Variants in TGFBI observed in about 807,000 individuals in gnomAD.
TGFBI encodes the protein transforming growth factor-beta-induced protein ig-h3.
A neutral mutation model predicts 73.7 loss-of-function variants in TGFBI; 50 were observed. The observed-to-expected ratio is 0.68, with a 90% CI of 0.54 to 0.86. The LOEUF (loss-of-function observed/expected upper bound fraction) is 0.86. Ranked by LOEUF, TGFBI falls within the 40% of genes least tolerant of loss-of-function variation. TGFBI has a pLI of 0.00. For synonymous variants in TGFBI, 362 were observed against 360.5 expected (o/e 1.00, Z -0.05); for missense variants, 839 against 877.0 (o/e 0.96, Z 0.55).
Position 136,052,946 on chromosome 5 carries a change from C to T in TGFBI, c.953C>T (p.Ala318Val). Residue 318 changes from alanine (A) to valine (V), a missense_variant, in exon 8 of 17, where the codon GCT (alanine) becomes GTT (valine). By Grantham distance (64) the Ala-to-Val change is moderately conservative (BLOSUM62 0). Coordinates refer to ENST00000442011, the MANE Select transcript of TGFBI (RefSeq NM_000358.3). ...NNHILKSAMCAEAIVAGLSVE... is the reference protein window; with the variant it reads ...NNHILKSAMCVEAIVAGLSVE... Reference sequence around the variant, plus strand: ...CACATCTTGAAGTCAGCTATGTGTGCTGAAGCCATCGTTGCGGGGCTGTCT... The same window carrying T: ...CACATCTTGAAGTCAGCTATGTGTGTTGAAGCCATCGTTGCGGGGCTGTCT... 1 of 1,614,068 alleles carries T rather than the reference C, an allele frequency of 6.2e-7. No individual in the cohort carries two copies. The highest frequency in any genetic ancestry group is 8.5e-7 in the Non-Finnish European group (1 of 1,179,900).
chr5:136,054,814 C>A lies in TGFBI; in HGVS notation c.1363C>A (p.Leu455Met). 1 of 1,613,942 alleles carries A rather than the reference C, an allele frequency of 6.2e-7. No homozygotes were observed. Among genetic ancestry groups the A allele is most frequent in the African/African-American group, 1.3e-5 (1 of 75,024 alleles). Reference sequence around the variant, plus strand: ...TAAGTATCTGTACCATGGACAGACCCTGGAAACTCTGGGCGGCAAAAAACT... The same window carrying A: ...TAAGTATCTGTACCATGGACAGACCATGGAAACTCTGGGCGGCAAAAAACT... ...ASKYLYHGQT[L>M]ETLGGKKLRV... The change falls in exon 10 of 17, where the codon CTG becomes ATG. Residue 455 changes from leucine (L) to methionine (M), a missense_variant. Leu to Met is a conservative substitution (Grantham distance 15). Coordinates refer to ENST00000442011, the MANE Select transcript of TGFBI (RefSeq NM_000358.3).
chr5:136,055,897 G>A (rs184501017), intron 11 of TGFBI, 81 bp downstream of exon 11: 69 of 1,437,534 alleles, frequency 4.8e-5, no homozygotes, highest in Non-Finnish European at 7.5e-6. Context: ...TATTTGTCAA[G>A]CTTTCTTCTA....
chr5:136,055,664 T>C lies in TGFBI; in HGVS notation c.1411-16T>C. On this transcript the variant is annotated splice_polypyrimidine_tract_variant and intron_variant, in intron 10 of 16. Coordinates refer to ENST00000442011, the MANE Select transcript of TGFBI (RefSeq NM_000358.3). ...GTATAACCAGTCCTTTCTTTCTCTG[T>C]CCCTCTTCTGTGCAGAGCCTCTGCA... is the stretch of plus-strand genomic sequence containing the variant. The C allele has an allele frequency of 6.3e-7, 1 of 1,575,118 alleles. No homozygotes were observed. Among genetic ancestry groups the C allele is most frequent in the Non-Finnish European group, 8.7e-7 (1 of 1,152,426 alleles).
intron 2 of TGFBI, among the ~76,000 whole-genome samples, chr5:136,042,114 C>G (rs1221065689): frequency 6.6e-6 from 1 of 152,200 alleles, no homozygotes; most frequent in African/African-American, 2.4e-5. Context: ...TCCCACATCA[C>G]AGCCCCAGTA....
At chr5:136,040,532 C>T (rs1580711292) in intron 2 of TGFBI, among the ~76,000 whole-genome samples, 1 of 152,194 alleles carries the variant, frequency 6.6e-6, no homozygotes, top group South Asian at 2.1e-4. Context: ...GAGTTTCATA[C>T]CAAAACCACC....
intron 1 of TGFBI, among the ~76,000 whole-genome samples, chr5:136,030,442 C>G (rs918353411): frequency 6.6e-6 from 1 of 152,120 alleles, no homozygotes; most frequent in Non-Finnish European, 1.5e-5. Flanking sequence ...GTTTGGGGCT[C>G]TGGCGGAGAG....
chr5:136,046,557 G>T (rs1158268105), intron 4 of TGFBI, 62 bp downstream of exon 4: 3 of 1,509,422 alleles, frequency 2.0e-6, no homozygotes, highest in Non-Finnish European at 2.7e-6. Flanking sequence ...TCCCCGAGGG[G>T]TGGGCATGAT....
In TGFBI at chr5:136,054,161, T is replaced by C; in HGVS notation, c.1264+81T>C. The stretch of plus-strand genomic sequence containing the variant: ...CTGTCACCTCCACAACACTCTCCGA[T>C]TTACAGCACCCCATGGGACATTAGA... On this transcript the variant is annotated intron_variant, in intron 9 of 16. Transcript: ENST00000442011. 7.8e-6 allele frequency: 12 copies of C among 1,542,990 alleles called. No homozygotes were observed. The South Asian group carries it at 1.3e-4, about 17-fold the overall frequency.
Position 136,054,057 on chromosome 5 carries a change from C to A in TGFBI, c.1241C>A (p.Ala414Asp). Residue 414 changes from alanine to aspartate, a missense_variant, in exon 9 of 17, where the codon GCT becomes GAT. Ala to Asp is a moderately radical substitution (Grantham distance 126). Transcript: ENST00000442011. ...LSGSERLTLLAPLNSVFKDGT... is the reference protein window; with the variant it reads ...LSGSERLTLLDPLNSVFKDGT... The stretch of plus-strand genomic sequence containing the variant: ...GGAAGTGAGCGGTTGACCCTCCTGG[C>A]TCCCCTGAATTCTGTATTCAAAGGT... 6.2e-7 allele frequency: 1 copy of A among 1,613,968 alleles called. No individual in the cohort carries two copies. Among genetic ancestry groups the A allele is most frequent in the Middle Eastern group, 1.6e-4 (1 of 6,062 alleles).
At chr5:136,039,583 A>T (rs1168448295) in intron 2 of TGFBI, among the ~76,000 whole-genome samples, 1 of 152,194 alleles carries the variant, frequency 6.6e-6, no homozygotes, top group Non-Finnish European at 1.5e-5. Flanking sequence ...TGTAAAGGGG[A>T]TCCCCAAGAC....
intron 1 of TGFBI, 113 bp downstream of exon 1, chr5:136,029,302 TAA>T: frequency 2.4e-6 from 3 of 1,248,042 alleles, no homozygotes; most frequent in Non-Finnish European, 3.1e-6. Context: ...AAGCCCGAAC[TAA>T]AAACCTTGCA....
intron 12 of TGFBI, among the ~76,000 whole-genome samples, chr5:136,057,559 A>G (rs1751670469): frequency 1.3e-5 from 2 of 151,984 alleles, no homozygotes; most frequent in South Asian, 2.1e-4. Context: ...AGTAATAGCC[A>G]TGACGATGGG....
rs45563337 is a variant in TGFBI, at chr5:136,060,908, T to C, written c.1878T>C (p.His626=). The C allele has an allele frequency of 1.9e-6, 3 of 1,591,192 alleles. No homozygotes were observed. Among genetic ancestry groups the C allele is most frequent in the South Asian group, 2.3e-5 (2 of 88,408 alleles). Residue 626 remains histidine (H), a synonymous_variant, in exon 14 of 17, where the codon CAT becomes CAC. Transcript: ENST00000442011. ...PDIMATNGVV[H]VITNVLQPPA... is the part of the protein sequence containing the mutation. Reference sequence around the variant, plus strand: ...TCATGGCCACAAATGGCGTGGTCCATGTCATCACCAATGTTCTGCAGCCTC... The same window carrying C: ...TCATGGCCACAAATGGCGTGGTCCACGTCATCACCAATGTTCTGCAGCCTC...
intron 7 of TGFBI, among the ~76,000 whole-genome samples, chr5:136,050,513 T>C (rs1487281981): frequency 6.6e-6 from 1 of 152,138 alleles, no homozygotes; most frequent in Admixed American, 6.5e-5. Context: ...AAAGGAGGAC[T>C]CTGCCTTCCC....
At chr5:136,061,630 G>C (rs768044440) in intron 15 of TGFBI, 51 bp downstream of exon 15, 3 of 1,506,064 alleles carry the variant, frequency 2.0e-6, no homozygotes, top group African/African-American at 1.4e-5. Context: ...CAGGTCCTCT[G>C]TTTGGGCCAT....
At position 136,059,021 on chromosome 5, in the gene TGFBI, G is replaced by C; in HGVS notation, c.1679-69G>C. ...GGTGACCACTTACATCTTCTCCTCT[G>C]GGCCCTCCTTGACCAGGCTAATTAC... On this transcript the variant is annotated intron_variant, in intron 12 of 16. Coordinates refer to ENST00000442011, the MANE Select transcript of TGFBI (RefSeq NM_000358.3). 3.2e-6 allele frequency: 5 copies of C among 1,555,188 alleles called. 1 individual carries two copies. Among genetic ancestry groups the C allele is most frequent in the Non-Finnish European group, 3.5e-6 (4 of 1,147,328 alleles).
intron 13 of TGFBI, among the ~76,000 whole-genome samples, chr5:136,060,133 A>G (rs538525283): frequency 2.9e-5 from 3 of 102,294 alleles, no homozygotes; most frequent in Admixed American, 2.7e-4. Context: ...CCTGTCTTCC[A>G]TTTCCAGCTG....
At chr5:136,033,122 C>T (rs1219227211) in intron 1 of TGFBI, among the ~76,000 whole-genome samples, 1 of 152,130 alleles carries the variant, frequency 6.6e-6, no homozygotes, top group African/African-American at 2.4e-5. Flanking sequence ...AGAGAAGAGA[C>T]ACCCCCCACC....
intron 13 of TGFBI, among the ~76,000 whole-genome samples, chr5:136,059,694 C>G (rs1363634144): frequency 2.0e-5 from 3 of 152,160 alleles, no homozygotes; most frequent in Non-Finnish European, 4.4e-5. Context: ...AAGAGTGTTC[C>G]TAAAGCAGAT....
Sources: allele counts gnomAD v4.1 joint callset (sites outside exome capture counted in the v4.1 genomes callset), GRCh38; gene constraint gnomAD v4.1.1; transcripts MANE v1.5; gene names NCBI Gene and HGNC (gene_info 2026-07-23, HGNC 2026-07-21).